Variants in TTLL4 observed in about 807,000 individuals in gnomAD.
TTLL4 encodes tubulin tyrosine ligase like 4, also known as tubulin monoglutamylase TTLL4.
TTLL4 carries 85 observed loss-of-function variants against 122.7 expected under a neutral mutation model. That is an observed-to-expected ratio of 0.69 (90% CI 0.58 to 0.83). TTLL4 has a LOEUF of 0.83. TTLL4 is among the 40% of genes least tolerant of loss of function. The pLI is 0.00. For missense variants in TTLL4, 1,363 were observed against 1,488.6 expected (o/e 0.92, Z 1.39); for synonymous variants, 553 against 563.0 (o/e 0.98, Z 0.25).
chr2:218,742,761 T>C (rs1481351434), intron 5 of TTLL4, among the ~76,000 whole-genome samples: 1 of 152,172 alleles, frequency 6.6e-6, no homozygotes, highest in Non-Finnish European at 1.5e-5. Flanking sequence ...GTTTCCCCCA[T>C]TGGGTAACAT....
At chr2:218,736,963 C>T (rs1229290450) in intron 2 of TTLL4, among the ~76,000 whole-genome samples, 2 of 151,958 alleles carry the variant, frequency 1.3e-5, no homozygotes, top group African/African-American at 2.4e-5. Context: ...GATCCTCCCA[C>T]CTCAGCCTCC....
chr2:218,755,908 G>C (rs549514277), downstream of TTLL4, among the ~76,000 whole-genome samples: 1 of 152,132 alleles, frequency 6.6e-6, no homozygotes, highest in Non-Finnish European at 1.5e-5. Context: ...GTGTTTGGCC[G>C]GTCCTAAGGC....
chr2:218,714,983 C>G (rs1354815700), intron 1 of TTLL4, among the ~76,000 whole-genome samples: 1 of 152,058 alleles, frequency 6.6e-6, no homozygotes, highest in Non-Finnish European at 1.5e-5. Context: ...AACATTTTTA[C>G]GTATGTTACA....
At chr2:218,725,133 C>T (rs1942152717) in intron 1 of TTLL4, among the ~76,000 whole-genome samples, 1 of 152,088 alleles carries the variant, frequency 6.6e-6, no homozygotes, top group South Asian at 2.1e-4. Flanking sequence ...TCTTGAACTC[C>T]TGGGCTCAAA....
In TTLL4 at chr2:218,738,002, C is replaced by T. The variant is rs115949954; in HGVS notation, c.326C>T (p.Pro109Leu). 9 of 1,614,182 alleles carry T rather than the reference C, an allele frequency of 5.6e-6. No individual in the cohort carries two copies. Among genetic ancestry groups the T allele is most frequent in the Admixed American group, 1.7e-5 (1 of 60,016 alleles). ...AGTTCCTGTTACCTACACTCTCTCC[C>T]GGACTTGTTCAACAGCACCCTGCTA... ...HSSSCYLHSL[P>L]DLFNSTLLYR... Residue 109 changes from proline (P) to leucine (L), a missense_variant, in exon 3 of 20, where the codon CCG (proline) becomes CTG (leucine). Coordinates refer to ENST00000392102, the MANE Select transcript of TTLL4 (RefSeq NM_014640.5).
chr2:218,719,776 A>G (rs1383690600), intron 1 of TTLL4, among the ~76,000 whole-genome samples: 1 of 152,190 alleles, frequency 6.6e-6, no homozygotes, highest in African/African-American at 2.4e-5. Flanking sequence ...AGTGTTTAGT[A>G]AGTGCTCATG....
chr2:218,711,249 C>G (rs113694934), intron 1 of TTLL4, among the ~76,000 whole-genome samples: 48 of 152,330 alleles, frequency 3.2e-4, no homozygotes, highest in African/African-American at 1.1e-3. Flanking sequence ...TCCTCGGAGC[C>G]CTTCTCCTCT....
chr2:218,739,193 G>A, intron 3 of TTLL4, 30 bp downstream of exon 3: 1 of 1,591,286 alleles, frequency 6.3e-7, no homozygotes, highest in Admixed American at 1.7e-5. Flanking sequence ...GGTTCATTTA[G>A]AGCAGTAGAA....
chr2:218,754,695 T>G lies in TTLL4; in HGVS notation c.*306T>G. On this transcript the variant is annotated 3_prime_UTR_variant, in exon 20 of 20. Coordinates refer to ENST00000392102, the MANE Select transcript of TTLL4 (RefSeq NM_014640.5). ...AGCAGGTTTTGGTTTCTACCTTAAG[T>G]GAGCCATGTGTGGTTTGTCTGGGGG... 1 of 417,020 alleles carries G rather than the reference T, an allele frequency of 2.4e-6. No individual in the cohort carries two copies. The highest frequency in any genetic ancestry group is 3.9e-5 in the Admixed American group (1 of 25,506). 25.8% of individuals were successfully genotyped at this position (417,020 alleles called of 1,614,324 possible).
At chr2:218,749,793 C>G (rs1942967923) in intron 14 of TTLL4, among the ~76,000 whole-genome samples, 1 of 152,130 alleles carries the variant, frequency 6.6e-6, no homozygotes, top group Non-Finnish European at 1.5e-5. Context: ...TGGATCCTTA[C>G]TGCTTGCTTT....
At chr2:218,746,075 C>T (rs759870961) in intron 7 of TTLL4, 80 bp from the exon 8 acceptor site, 48 of 1,544,446 alleles carry the variant, frequency 3.1e-5, no homozygotes, top group Non-Finnish European at 4.2e-5. Flanking sequence ...GGAGCTCTGC[C>T]CAGTTCTGGG....
chr2:218,743,804 C>T (rs1201093466), intron 5 of TTLL4, among the ~76,000 whole-genome samples: 2 of 152,104 alleles, frequency 1.3e-5, no homozygotes, highest in East Asian at 1.9e-4. Flanking sequence ...CTCAGCCTCC[C>T]GAGTAGCTGG....
chr2:218,742,330 TG>T (rs1471390785), intron 5 of TTLL4, among the ~76,000 whole-genome samples: 1 of 152,216 alleles, frequency 6.6e-6, no homozygotes, highest in African/African-American at 2.4e-5. Context: ...AAAATACTTT[TG>T]GATTGCTAAA....
rs1469163387 is a variant in TTLL4, at chr2:218,745,752, C to T, written c.1848C>T (p.Pro616=). 6.2e-7 allele frequency: 1 copy of T among 1,613,754 alleles called. No homozygotes were observed. Among genetic ancestry groups the T allele is most frequent in the Non-Finnish European group, 8.5e-7 (1 of 1,179,890 alleles). Residue 616 remains proline, a synonymous_variant, in exon 7 of 20, where the codon CCC becomes CCT. Transcript: ENST00000392102. ...LLRWKMSTVT[P]NIVKQTIGRS... ...GATGGAAGATGAGCACAGTGACCCC[C>T]AACATTGTCAAGCAGACCATTGGAC...
At chr2:218,735,923 C>T (rs370655757) in intron 2 of TTLL4, among the ~76,000 whole-genome samples, 18 of 150,398 alleles carry the variant, frequency 1.2e-4, no homozygotes, top group African/African-American at 3.7e-4. Flanking sequence ...CCTGCCTTGG[C>T]CTCCCAAAGT....
chr2:218,711,069 C>T (rs73080914), intron 1 of TTLL4, 32 bp downstream of exon 1: 9,101 of 152,542 alleles, frequency 0.06, 901 homozygotes, highest in African/African-American at 0.21. Flanking sequence ...GGGGAGCCGA[C>T]CCCAGACACT....
chr2:218,754,382 G>A lies in TTLL4; in HGVS notation c.3593G>A (p.Ser1198Asn), dbSNP rs575537780. 1 of 1,614,092 alleles carries A rather than the reference G, an allele frequency of 6.2e-7. No homozygotes were observed. The highest frequency in any genetic ancestry group is 2.2e-5 in the East Asian group (1 of 44,888). The change falls in exon 20 of 20, where the codon AGC becomes AAC. Residue 1198 changes from serine (S) to asparagine (N), a missense_variant. Around this residue, in one of 3 missense-constraint regions of TTLL4, gnomAD observed 596 missense variants for 655.8 expected, o/e 0.91. Coordinates refer to ENST00000392102, the MANE Select transcript of TTLL4 (RefSeq NM_014640.5). ...QSISDSLLAV[S>N]P Reference sequence around the variant, plus strand: ...ATCAGTGACTCCCTCCTGGCTGTGAGCCCATAACTGGCCTCTCTCCAAAAG... The same window carrying A: ...ATCAGTGACTCCCTCCTGGCTGTGAACCCATAACTGGCCTCTCTCCAAAAG...
At position 218,747,686 on chromosome 2, in the gene TTLL4, A is replaced by T; in HGVS notation, c.2339A>T (p.Tyr780Phe). ...YVTSYDPLRI[Y>F]LFSDGLVRFA... is the part of the protein sequence containing the mutation. ...ACTTCCTACGATCCTCTGCGGATTT[A>T]CCTCTTTTCAGATGGACTGGTCCGC... The change falls in exon 11 of 20, where the codon TAC becomes TTC. Residue 780 changes from tyrosine to phenylalanine, a missense_variant. Tyr to Phe is a conservative substitution (Grantham distance 22). This residue lies in a region of TTLL4 where 596 missense variants were observed against 655.8 expected (regional missense o/e 0.91). Coordinates refer to ENST00000392102, the MANE Select transcript of TTLL4 (RefSeq NM_014640.5). The surrounding 1 kb of genome is among the most constrained non-coding windows in gnomAD (Gnocchi z 4.7). 1 of 1,614,124 alleles carries T rather than the reference A, an allele frequency of 6.2e-7. No individual in the cohort carries two copies. The highest frequency in any genetic ancestry group is 8.5e-7 in the Non-Finnish European group (1 of 1,180,018).
At chr2:218,736,881 A>G (rs970172190) in intron 2 of TTLL4, among the ~76,000 whole-genome samples, 10 of 140,436 alleles carry the variant, frequency 7.1e-5, no homozygotes, top group Non-Finnish European at 1.1e-4. Context: ...ATGGGGTCTC[A>G]CTCTGTTGCC....
Sources: gnomAD v4.1 joint callset for allele counts (sites outside exome capture counted in the v4.1 genomes callset) on GRCh38, gnomAD v4.1.1 for gene constraint, gnomAD v4.1.1 regional missense constraint, Gnocchi (gnomAD v3.1) non-coding constraint, MANE v1.5 for transcripts, NCBI Gene and HGNC (gene_info 2026-07-23, HGNC 2026-07-21) for gene names.